Variants in ARPC5L observed in about 807,000 individuals in gnomAD.
The protein encoded by ARPC5L is actin related protein 2/3 complex subunit 5 like.
In ARPC5L, 4 loss-of-function variants were observed where a neutral mutation model predicts 16.9. The ratio of observed to expected loss-of-function variants is 0.24; its 90% confidence interval spans 0.12 to 0.54. The LOEUF is 0.54. Among genes scored for constraint, ARPC5L ranks in the 20% least tolerant of loss-of-function variants. The pLI is 0.95. For missense variants in ARPC5L, 151 were observed against 201.9 expected (o/e 0.75, Z 1.53); for synonymous variants, 78 against 82.6 (o/e 0.94, Z 0.30).
intron 5 of ARPC5L, among the ~76,000 whole-genome samples, chr9:124,876,214 G>A (rs1187923628): frequency 2.0e-5 from 3 of 152,206 alleles, no homozygotes; most frequent in Non-Finnish European, 2.9e-5. Context: ...GGCTGGGTGC[G>A]GTGGGCTCAC....
At chr9:124,863,637 A>G (rs1829234033) in intron 1 of ARPC5L, among the ~76,000 whole-genome samples, 1 of 152,236 alleles carries the variant, frequency 6.6e-6, no homozygotes, top group Non-Finnish European at 1.5e-5. Flanking sequence ...GACGCATAAC[A>G]ATGGCTCAAA....
At chr9:124,876,135 T>C (rs1285010561) in intron 5 of ARPC5L, among the ~76,000 whole-genome samples, 1 of 152,154 alleles carries the variant, frequency 6.6e-6, no homozygotes, top group African/African-American at 2.4e-5. Flanking sequence ...GGAGGATTGC[T>C]GGAGCCCAGG....
chr9:124,864,274 C>T (rs1829241719), intron 2 of ARPC5L, among the ~76,000 whole-genome samples, 167 bp downstream of exon 2: 1 of 152,012 alleles, frequency 6.6e-6, no homozygotes, highest in Non-Finnish European at 1.5e-5. Context: ...TAACCTCCAC[C>T]TCCCAGGTTC....
intron 1 of ARPC5L, among the ~76,000 whole-genome samples, chr9:124,863,147 T>A (rs1588039018): frequency 6.6e-6 from 1 of 152,136 alleles, no homozygotes; most frequent in East Asian, 1.9e-4. Flanking sequence ...CTTTTTTATT[T>A]TTATTTTATT....
At position 124,874,974 on chromosome 9, in the gene ARPC5L, G is replaced by A. The variant is rs1229133338; in HGVS notation, c.223-1G>A. 6.2e-7 allele frequency: 1 copy of A among 1,613,750 alleles called. No individual in the cohort carries two copies. The highest frequency in any genetic ancestry group is 8.5e-7 in the Non-Finnish European group (1 of 1,179,886). On this transcript the variant is annotated splice_acceptor_variant, in intron 4 of 5. Transcript: ENST00000353214. LOFTEE classifies it high-confidence loss of function. ...ACTCACTTGCTCTTTTTCGTCTGCA[G>A]GAGCGAGCCCAGGGCGTGGTGCTGA...
rs543133216 is a variant in ARPC5L at position 124,869,065 on chromosome 9, T to C, written c.-226T>C. On this transcript the variant is annotated 5_prime_UTR_variant, in exon 3 of 6. Coordinates refer to ENST00000353214, the MANE Select transcript of ARPC5L (RefSeq NM_030978.3). ...GGTGGGGGAGGCTGCGGTGATCCCA[T>C]ACCGCACTCCAGGTGCCAGGCTCCG... The C allele has an allele frequency of 1.2e-5, 5 of 417,832 alleles. No individual in the cohort carries two copies. The highest frequency in any genetic ancestry group is 6.4e-4 in the Middle Eastern group (1 of 1,552). 25.9% of individuals were successfully genotyped at this position (417,832 alleles called of 1,614,324 possible).
chr9:124,869,113 G>A lies in ARPC5L; in HGVS notation c.-178G>A, dbSNP rs552125557. On this transcript the variant is annotated 5_prime_UTR_variant, in exon 3 of 6. Transcript: ENST00000353214. ...CCGCCCCGCCCCTGACGGCGCTTCC[G>A]GATCCGGCGGGTGCCGGAAGTGGGC... The A allele has an allele frequency of 2.4e-4, 171 of 712,074 alleles. No homozygotes were observed. Among genetic ancestry groups the A allele is most frequent in the Middle Eastern group, 2.3e-3 (5 of 2,208 alleles). 44.1% of individuals were successfully genotyped at this position (712,074 alleles called of 1,614,324 possible).
rs1224543121 is a variant in ARPC5L, at chr9:124,869,253, G to T, written c.-38G>T. The T allele has an allele frequency of 6.7e-7, 1 of 1,488,294 alleles. No homozygotes were observed. The highest frequency in any genetic ancestry group is 8.9e-7 in the Non-Finnish European group (1 of 1,121,036). The allele number at this position is 1,488,294 out of a possible 1,614,324, so 92.2% of individuals were successfully genotyped here. ...AGCGGAGCAGAGCCGAGGTCGGGCC[G>T]CGAGCGGAGCCGGCTGAGCGGGCGC... On this transcript the variant is annotated 5_prime_UTR_variant, in exon 3 of 6. Coordinates refer to ENST00000353214, the MANE Select transcript of ARPC5L (RefSeq NM_030978.3).
At chr9:124,874,169 C>T (rs1014352232) in intron 4 of ARPC5L, among the ~76,000 whole-genome samples, 5 of 152,204 alleles carry the variant, frequency 3.3e-5, no homozygotes, top group African/African-American at 1.2e-4. Flanking sequence ...TACTGCATCA[C>T]CAAGTCTAAA....
chr9:124,866,129 C>G (rs560831827), intron 2 of ARPC5L, among the ~76,000 whole-genome samples: 1 of 151,194 alleles, frequency 6.6e-6, no homozygotes, highest in African/African-American at 2.4e-5. Context: ...ACAGGTCAGG[C>G]GCAGTGGCTC....
In ARPC5L at chr9:124,868,682, G is replaced by C. The variant is rs1260824489; in HGVS notation, c.-609G>C. On this transcript the variant is annotated 5_prime_UTR_variant, in exon 3 of 6. Coordinates refer to ENST00000353214, the MANE Select transcript of ARPC5L (RefSeq NM_030978.3). Reference sequence around the variant, plus strand: ...ACCTCTGTGTACAGGCGGCCTCCTCGTACTAAGTGTGGTGGCGTTCAAGGC... The same window carrying C: ...ACCTCTGTGTACAGGCGGCCTCCTCCTACTAAGTGTGGTGGCGTTCAAGGC... 6.6e-6 allele frequency: 1 copy of C among 152,328 alleles called. No individual in the cohort carries two copies. The highest frequency in any genetic ancestry group is 1.5e-5 in the Non-Finnish European group (1 of 68,090). 9.4% of individuals were successfully genotyped at this position (152,328 alleles called of 1,614,324 possible). A position where few individuals can be genotyped will look rare whatever the true frequency, so the allele number is the denominator to read the frequency against.
At position 124,869,656 on chromosome 9, in the gene ARPC5L, C is replaced by T. The variant is rs537651945; in HGVS notation, c.149+217C>T. Among the ~76,000 whole-genome samples the T allele has an allele frequency of 1.6e-3, 246 of 152,350 alleles. 1 individual carries two copies. Among genetic ancestry groups the T allele is most frequent in the African/African-American group, 5.7e-3 (238 of 41,584 alleles). On this transcript the variant is annotated intron_variant, in intron 3 of 5. Coordinates refer to ENST00000353214, the MANE Select transcript of ARPC5L (RefSeq NM_030978.3). ...TCGTCCCCAGCCCTGGCGCCTTCTT[C>T]TGCAGCGCCGTCCCGCAGGCCCCTG...
rs182131950 is a variant in ARPC5L at position 124,873,569 on chromosome 9, G to T, written c.150-123G>T. ...CCGTCTCTGCCCCCCTGGAAGCCGT[G>T]GAAGGTGGGTGGTATGGATGAGATC... On this transcript the variant is annotated intron_variant, in intron 3 of 5. Transcript: ENST00000353214. The T allele has an allele frequency of 3.0e-4, 330 of 1,103,032 alleles. 3 individuals are homozygous for T. The African/African-American group carries it at 4.4e-3, about 15-fold the overall frequency. The allele number at this position is 1,103,032 out of a possible 1,614,324, so 68.3% of individuals were successfully genotyped here. A position where few individuals can be genotyped will look rare whatever the true frequency, so the allele number is the denominator to read the frequency against.
At chr9:124,874,918 C>T (rs950294788) in intron 4 of ARPC5L, 57 bp from the exon 5 acceptor site, 3 of 1,600,496 alleles carry the variant, frequency 1.9e-6, no homozygotes, top group African/African-American at 1.3e-5. Flanking sequence ...TGGTGTGGGG[C>T]ATGGCATGGC....
chr9:124,868,720 G>T lies in ARPC5L; in HGVS notation c.-571G>T, dbSNP rs1829305020. On this transcript the variant is annotated 5_prime_UTR_variant, in exon 3 of 6. Coordinates refer to ENST00000353214, the MANE Select transcript of ARPC5L (RefSeq NM_030978.3). ...TGGCGTTCAAGGCTCCGAGACACAG[G>T]CGCCTCCCGCGCCACTCCCCGGGCA... 1 of 152,424 alleles carries T rather than the reference G, an allele frequency of 6.6e-6. No homozygotes were observed. The highest frequency in any genetic ancestry group is 1.5e-5 in the Non-Finnish European group (1 of 68,152). The allele number at this position is 152,424 out of a possible 1,614,324, so 9.4% of individuals were successfully genotyped here. A position where few individuals can be genotyped will look rare whatever the true frequency, so the allele number is the denominator to read the frequency against.
chr9:124,874,286 C>T (rs535047601), intron 4 of ARPC5L, among the ~76,000 whole-genome samples: 4 of 152,302 alleles, frequency 2.6e-5, no homozygotes, highest in Admixed American at 2.6e-4. Context: ...GGGAATGGCC[C>T]CACCCTTCTG....
At chr9:124,867,141 C>CTT (rs779385412) in intron 2 of ARPC5L, among the ~76,000 whole-genome samples, 17 of 137,910 alleles carry the variant, frequency 1.2e-4, no homozygotes, top group South Asian at 2.3e-4. Context: ...TCAGGGACAC[C>CTT]TTTTTTTTTT....
intron 5 of ARPC5L, 138 bp downstream of exon 5, chr9:124,875,289 A>G (rs1829415992): frequency 3.1e-6 from 3 of 959,184 alleles, no homozygotes; most frequent in Admixed American, 2.8e-5. Context: ...AACCTGGGAC[A>G]TGTCATCACT....
chr9:124,872,137 G>A (rs1179314888), intron 3 of ARPC5L, among the ~76,000 whole-genome samples: 2 of 152,160 alleles, frequency 1.3e-5, no homozygotes, highest in Non-Finnish European at 1.5e-5. Context: ...CACAGCAGTA[G>A]CTTTTTGCCC....
Sources: gnomAD v4.1 joint callset for allele counts (sites outside exome capture counted in the v4.1 genomes callset) on GRCh38, gnomAD v4.1.1 for gene constraint, MANE v1.5 for transcripts, NCBI Gene and HGNC (gene_info 2026-07-23, HGNC 2026-07-21) for gene names.